Variants in CDH18 observed in about 807,000 individuals in gnomAD.
CDH18 encodes the protein cadherin 18.
CDH18 carries 31 observed loss-of-function variants against 67.9 expected under a neutral mutation model. The ratio of observed to expected loss-of-function variants is 0.46; its 90% confidence interval spans 0.34 to 0.62. CDH18 has a LOEUF of 0.62. Among genes scored for constraint, CDH18 ranks in the 20% least tolerant of loss-of-function variants. The pLI, the probability that CDH18 is intolerant of heterozygous loss-of-function variation, is 0.01. For missense variants in CDH18, 890 were observed against 975.5 expected, an observed-to-expected ratio of 0.91 and a Z score of 1.17; for synonymous variants, 362 against 347.2, an observed-to-expected ratio of 1.04 and a Z score of -0.48.
At chr5:20,532,576 GCAGT>G (rs1756471646) in intron 1 of CDH18, among the ~76,000 whole-genome samples, 1 of 152,002 alleles carries the variant, frequency 6.6e-6, no homozygotes, top group Admixed American at 6.6e-5. Context: ...GAAAACTGAT[GCAGT>G]CAGAGGTCCA....
chr5:20,166,216 G>T (rs1452050875), intron 2 of CDH18, among the ~76,000 whole-genome samples: 1 of 151,868 alleles, frequency 6.6e-6, no homozygotes, highest in African/African-American at 2.4e-5. Context: ...CAAGGCTGGC[G>T]GATCACCTGA....
intron 2 of CDH18, among the ~76,000 whole-genome samples, chr5:20,069,447 C>G (rs982659560): frequency 8.6e-5 from 13 of 151,974 alleles, no homozygotes; most frequent in African/African-American, 3.1e-4. Context: ...GAGTCTCACT[C>G]TGTCGCCCAG....
At chr5:19,666,552 G>C (rs777670944) in intron 5 of CDH18, among the ~76,000 whole-genome samples, 2 of 152,008 alleles carry the variant, frequency 1.3e-5, no homozygotes, top group African/African-American at 4.8e-5. Flanking sequence ...ATTTCCCGAG[G>C]AAATTATGGC....
intron 2 of CDH18, among the ~76,000 whole-genome samples, chr5:20,101,381 T>G (rs910815393): frequency 6.6e-6 from 1 of 152,210 alleles, no homozygotes; most frequent in Non-Finnish European, 1.5e-5. Context: ...TAGACAGTGA[T>G]TTCATGTAAT....
At chr5:19,566,631 G>A (rs543909356) in intron 8 of CDH18, among the ~76,000 whole-genome samples, 5 of 152,030 alleles carry the variant, frequency 3.3e-5, no homozygotes, top group African/African-American at 9.7e-5. Context: ...ACACTATGGA[G>A]GAAACCGCCC....
At chr5:19,873,935 A>G (rs926800908) in intron 2 of CDH18, among the ~76,000 whole-genome samples, 16 of 152,134 alleles carry the variant, frequency 1.1e-4, no homozygotes, top group African/African-American at 3.9e-4. Flanking sequence ...GGCATGAGCC[A>G]CCGTGCCTGG....
intron 1 of CDH18, among the ~76,000 whole-genome samples, chr5:20,456,082 T>A (rs1203637389): frequency 6.6e-6 from 1 of 152,110 alleles, no homozygotes; most frequent in Non-Finnish European, 1.5e-5. Flanking sequence ...CTTATTAGCC[T>A]CCTTCAACAA....
At chr5:20,204,695 C>A (rs1201895956) in intron 2 of CDH18, among the ~76,000 whole-genome samples, 1 of 151,820 alleles carries the variant, frequency 6.6e-6, no homozygotes, top group Non-Finnish European at 1.5e-5. Context: ...CTACAGTAAC[C>A]TGTTAAGAGG....
intron 1 of CDH18, among the ~76,000 whole-genome samples, chr5:20,571,659 T>C (rs1487036492): frequency 1.3e-5 from 2 of 152,170 alleles, no homozygotes; most frequent in African/African-American, 4.8e-5. Flanking sequence ...ATATTTACTC[T>C]GAAAAGACCA....
intron 3 of CDH18, among the ~76,000 whole-genome samples, chr5:19,807,167 T>A (rs1271046824): frequency 6.6e-6 from 1 of 152,066 alleles, no homozygotes; most frequent in Non-Finnish European, 1.5e-5. Flanking sequence ...AGGGACCTGT[T>A]GGGATTTGTG....
intron 2 of CDH18, among the ~76,000 whole-genome samples, chr5:20,251,919 A>G: frequency 6.6e-6 from 1 of 152,206 alleles, no homozygotes; most frequent in East Asian, 1.9e-4. Context: ...CCACATATAC[A>G]TACTAATCTA....
chr5:20,463,664 T>C (rs934167064), intron 1 of CDH18, among the ~76,000 whole-genome samples: 4 of 152,052 alleles, frequency 2.6e-5, no homozygotes, highest in Non-Finnish European at 5.9e-5. Context: ...CCACAACACA[T>C]GAGGACAATG....
intron 5 of CDH18, among the ~76,000 whole-genome samples, chr5:19,693,154 C>T (rs1762116427): frequency 6.6e-6 from 1 of 151,640 alleles, no homozygotes; most frequent in Non-Finnish European, 1.5e-5. Flanking sequence ...CAGAAATACA[C>T]ATATTGCACG....
intron 2 of CDH18, among the ~76,000 whole-genome samples, chr5:19,971,589 C>CTA (rs1412889732): frequency 2.0e-5 from 3 of 151,852 alleles, no homozygotes; most frequent in Admixed American, 6.6e-5. Context: ...ATGAAACCTA[C>CTA]TATATGAAAG....
intron 9 of CDH18, 44 bp from the exon 10 acceptor site, chr5:19,520,822 T>G: frequency 6.2e-7 from 1 of 1,603,528 alleles, no homozygotes; most frequent in Non-Finnish European, 8.5e-7. Context: ...CATGCACACT[T>G]TAGAGGCTCG....
chr5:20,520,654 G>A (rs1223236717), intron 1 of CDH18, among the ~76,000 whole-genome samples: 1 of 152,156 alleles, frequency 6.6e-6, no homozygotes, highest in African/African-American at 2.4e-5. Context: ...AGATTTTGTA[G>A]ATGGCAGGGA....
chr5:20,229,651 T>G (rs956628636), intron 2 of CDH18, among the ~76,000 whole-genome samples: 1 of 152,188 alleles, frequency 6.6e-6, no homozygotes, highest in African/African-American at 2.4e-5. Context: ...AAATACATCT[T>G]ATTAGATTTA....
chr5:19,636,152 ATAAAC>A (rs1348278498), intron 5 of CDH18, among the ~76,000 whole-genome samples: 2 of 152,156 alleles, frequency 1.3e-5, no homozygotes, highest in Non-Finnish European at 2.9e-5. Context: ...AAAAAGGACT[ATAAAC>A]TAAATTTGCA....
At chr5:19,501,515 A>G (rs1364630627) in intron 11 of CDH18, among the ~76,000 whole-genome samples, 1 of 33,948 alleles carries the variant, frequency 2.9e-5, no homozygotes, top group South Asian at 1.2e-3. Context: ...CTTAAAAAAG[A>G]AAAAAAAAAA....
Sources: allele counts gnomAD v4.1 joint callset (sites outside exome capture counted in the v4.1 genomes callset), GRCh38; gene constraint gnomAD v4.1.1; transcripts MANE v1.5; gene names NCBI Gene and HGNC (gene_info 2026-07-23, HGNC 2026-07-21).